Variants in MGMT observed in about 807,000 individuals in gnomAD.
The protein encoded by MGMT is methylated-DNA--protein-cysteine methyltransferase.
Under a neutral mutation model 15.9 loss-of-function variants are expected in MGMT, and 14 were observed. That is an observed-to-expected ratio of 0.88 (90% CI 0.58 to 1.37). The LOEUF (loss-of-function observed/expected upper bound fraction) is 1.37, where lower values mean the gene tolerates loss of function less well. Ranked by LOEUF, MGMT falls within the 40% of genes most tolerant of loss-of-function variation. MGMT has a pLI of 0.00. For missense variants in MGMT, 282 were observed against 268.1 expected (o/e 1.05, Z -0.36); for synonymous variants, 130 against 118.2 (o/e 1.10, Z -0.65).
At chr10:129,742,340 C>G (rs1192270418) in intron 3 of MGMT, among the ~76,000 whole-genome samples, 10 of 152,246 alleles carry the variant, frequency 6.6e-5, no homozygotes, top group Admixed American at 3.9e-4. Context: ...TGACTTCACA[C>G]CATGCGTAGG....
At chr10:129,574,209 G>A (rs1846452725) in intron 2 of MGMT, among the ~76,000 whole-genome samples, 2 of 152,080 alleles carry the variant, frequency 1.3e-5, no homozygotes, top group South Asian at 4.1e-4. Flanking sequence ...GACCTTTTGG[G>A]GAAAAAACTA....
chr10:129,633,947 C>T (rs492811), intron 2 of MGMT, among the ~76,000 whole-genome samples: 1 of 152,092 alleles, frequency 6.6e-6, no homozygotes, highest in Admixed American at 6.5e-5. Flanking sequence ...AGTTTTATTG[C>T]TCTTCATTCT....
chr10:129,593,518 C>T (rs1846714608), intron 2 of MGMT, among the ~76,000 whole-genome samples: 4 of 152,342 alleles, frequency 2.6e-5, no homozygotes, highest in South Asian at 2.1e-4. Flanking sequence ...ACTACGTCAA[C>T]GGAATTGCTT....
intron 1 of MGMT, among the ~76,000 whole-genome samples, chr10:129,495,846 C>T (rs1008127650): frequency 1.3e-5 from 2 of 152,250 alleles, no homozygotes; most frequent in Admixed American, 1.3e-4. Flanking sequence ...AGGCCTGTGT[C>T]TGGTCAGTAA....
intron 2 of MGMT, among the ~76,000 whole-genome samples, chr10:129,673,220 T>C (rs754261023): frequency 1.3e-5 from 2 of 152,130 alleles, no homozygotes; most frequent in African/African-American, 2.4e-5. Context: ...TGGCCCAAAA[T>C]TGTCGCTGTC....
intron 2 of MGMT, among the ~76,000 whole-genome samples, chr10:129,568,662 A>C (rs892521964): frequency 6.6e-6 from 1 of 152,194 alleles, no homozygotes; most frequent in African/African-American, 2.4e-5. Context: ...CCAGTTTCTG[A>C]GACCCCTCTG....
chr10:129,530,763 T>C (rs191074262), intron 1 of MGMT, among the ~76,000 whole-genome samples: 1 of 152,362 alleles, frequency 6.6e-6, no homozygotes, highest in East Asian at 1.9e-4. Context: ...CGAGGGTGGC[T>C]GTGTCCCCCA....
rs537721351 is a variant in MGMT at position 129,531,265 on chromosome 10, G to A, written c.-12-4976G>A. On this transcript the variant is annotated intron_variant, in intron 1 of 4. Coordinates refer to ENST00000651593, the MANE Select transcript of MGMT (RefSeq NM_002412.5). ...ATTACTGTGCGGGCTGTTGGGAGAG[G>A]GTCTGTTACCCTCATGGCTGCTTGT... 3.3e-5 allele frequency among the ~76,000 whole-genome samples: 5 copies of A among 152,200 alleles called. No individual in the cohort carries two copies. The East Asian group carries it at 7.8e-4, about 24-fold the overall frequency.
At chr10:129,710,495 C>G (rs1421552239) in intron 3 of MGMT, among the ~76,000 whole-genome samples, 1 of 152,210 alleles carries the variant, frequency 6.6e-6, no homozygotes, top group Non-Finnish European at 1.5e-5. Context: ...TTCCCCACCA[C>G]AGCATGTGTA....
At chr10:129,641,837 G>A (rs1847331062) in intron 2 of MGMT, among the ~76,000 whole-genome samples, 1 of 152,166 alleles carries the variant, frequency 6.6e-6, no homozygotes, top group Admixed American at 6.5e-5. Flanking sequence ...GTTGGTTGAA[G>A]AAACATCCTA....
intron 2 of MGMT, among the ~76,000 whole-genome samples, chr10:129,610,773 G>C (rs1301858055): frequency 6.6e-6 from 1 of 152,188 alleles, no homozygotes; most frequent in African/African-American, 2.4e-5. Context: ...TTAGGCAAAA[G>C]TTTGCAAAGC....
At chr10:129,622,563 A>G (rs886411542) in intron 2 of MGMT, among the ~76,000 whole-genome samples, 2 of 152,236 alleles carry the variant, frequency 1.3e-5, no homozygotes, top group East Asian at 1.9e-4. Context: ...ACACAGAGGT[A>G]TGGTTAACTA....
In MGMT at chr10:129,592,774, T is replaced by G. The variant is rs930669563; in HGVS notation, c.125+56397T>G. 2.6e-4 allele frequency among the ~76,000 whole-genome samples: 40 copies of G among 151,482 alleles called. 1 individual carries two copies. Among genetic ancestry groups the G allele is most frequent in the Non-Finnish European group, 4.4e-5 (3 of 67,966 alleles). On this transcript the variant is annotated intron_variant, in intron 2 of 4. Transcript: ENST00000651593. Reference sequence around the variant, plus strand: ...CAGCTGTGGAAGACAGTCTCAAAAATGTAAACCAGTGCAACTTTAATTAAT... The same window carrying G: ...CAGCTGTGGAAGACAGTCTCAAAAAGGTAAACCAGTGCAACTTTAATTAAT...
rs200363326 is a variant in MGMT at position 129,707,959 on chromosome 10, G to A, written c.190G>A (p.Ala64Thr). ...GGPEPLMQCTAWLNAYFHQPE... is the reference protein window; with the variant it reads ...GGPEPLMQCTTWLNAYFHQPE... ...TCCGGAGCCCCTGATGCAGTGCACA[G>A]CCTGGCTGAATGCCTATTTCCACCA... The change falls in exon 3 of 5, where the codon GCC becomes ACC. Residue 64 changes from alanine to threonine, a missense_variant. Physicochemically the swap from Ala to Thr is moderately conservative, Grantham distance 58 (BLOSUM62 0). Coordinates refer to ENST00000651593, the MANE Select transcript of MGMT (RefSeq NM_002412.5). 2 of 1,613,474 alleles carry A rather than the reference G, an allele frequency of 1.2e-6. No individual in the cohort carries two copies. The highest frequency in any genetic ancestry group is 1.7e-6 in the Non-Finnish European group (2 of 1,180,032).
intron 2 of MGMT, among the ~76,000 whole-genome samples, chr10:129,668,761 C>T (rs1340778092): frequency 6.6e-6 from 1 of 152,150 alleles, no homozygotes; most frequent in Non-Finnish European, 1.5e-5. Flanking sequence ...CAGTTTGTCA[C>T]ATTTCAGTTT....
intron 1 of MGMT, among the ~76,000 whole-genome samples, chr10:129,516,737 GC>G (rs1845742515): frequency 6.6e-6 from 1 of 151,908 alleles, no homozygotes. Context: ...ACAGATTCAG[GC>G]CCAGTATTTC....
intron 2 of MGMT, among the ~76,000 whole-genome samples, chr10:129,596,105 T>G (rs1002915406): frequency 7.3e-6 from 1 of 136,998 alleles, no homozygotes; most frequent in Non-Finnish European, 1.6e-5. Flanking sequence ...GCCCTGCCCC[T>G]CCCTGCCCCA....
intron 3 of MGMT, among the ~76,000 whole-genome samples, chr10:129,755,134 C>T (rs1214199027): frequency 2.0e-5 from 3 of 152,256 alleles, no homozygotes; most frequent in African/African-American, 7.2e-5. Context: ...GTGCCTTCTG[C>T]CCAGGTTTTA....
intron 1 of MGMT, among the ~76,000 whole-genome samples, chr10:129,468,587 A>T (rs77915665): frequency 6.9e-6 from 1 of 144,072 alleles, no homozygotes; most frequent in Non-Finnish European, 1.5e-5. Flanking sequence ...TATCTTCATT[A>T]AAAAAAAAAA....
Sources: gnomAD v4.1 joint callset for allele counts (sites outside exome capture counted in the v4.1 genomes callset) on GRCh38, gnomAD v4.1.1 for gene constraint, MANE v1.5 for transcripts, NCBI Gene and HGNC (gene_info 2026-07-23, HGNC 2026-07-21) for gene names.